Variants in DOCK9 observed in about 807,000 individuals in gnomAD.
DOCK9 encodes dedicator of cytokinesis 9, also known as dedicator of cytokinesis protein 9.
In DOCK9, 89 loss-of-function variants were observed where a neutral mutation model predicts 263.3. The ratio of observed to expected loss-of-function variants is 0.34; its 90% CI spans 0.28 to 0.40. The LOEUF is 0.40. Among genes scored for constraint, DOCK9 ranks in the 10% least tolerant of loss-of-function variants. The pLI is 1.00. For missense variants in DOCK9, 2,140 were observed against 2,603.4 expected (o/e 0.82, Z 3.87); for synonymous variants, 976 against 973.1 (o/e 1.00, Z -0.06).
chr13:99,035,027 AAC>A (rs1391764817), intron 1 of DOCK9, among the ~76,000 whole-genome samples: 14 of 152,234 alleles, frequency 9.2e-5, no homozygotes, highest in African/African-American at 3.4e-4. Context: ...AATGAAGTGG[AAC>A]AGTCTTAACA....
intron 1 of DOCK9, among the ~76,000 whole-genome samples, chr13:98,992,124 G>GAAA (rs529785682): frequency 7.0e-6 from 1 of 142,384 alleles, no homozygotes; most frequent in African/African-American, 2.6e-5. Flanking sequence ...CCAATACAGT[G>GAAA]AAAAAAAAAA....
intron 1 of DOCK9, among the ~76,000 whole-genome samples, chr13:99,071,539 A>G (rs1474993007): frequency 6.6e-6 from 1 of 151,708 alleles, no homozygotes; most frequent in Non-Finnish European, 1.5e-5. Context: ...GATCATCATA[A>G]AGGTCTTCAT....
chr13:98,917,496 A>G (rs2051075132), intron 7 of DOCK9, among the ~76,000 whole-genome samples: 1 of 152,202 alleles, frequency 6.6e-6, no homozygotes, highest in Non-Finnish European at 1.5e-5. Context: ...GATTGTTCAT[A>G]GTGGTGGCCT....
rs1594046374 is a variant in DOCK9, at chr13:98,794,421, T to C, written c.*205A>G. ...TAAGACACAATGAAAACTTTGAATA[T>C]TGCCAGTGAGATTTAAAAAAATATG... On this transcript the variant is annotated 3_prime_UTR_variant, in exon 53 of 53. Coordinates refer to ENST00000682017, the MANE Select transcript of DOCK9 (RefSeq NM_001366683.2). The C allele has an allele frequency of 1.7e-5, 10 of 582,596 alleles. No homozygotes were observed. The highest frequency in any genetic ancestry group is 4.5e-4 in the Middle Eastern group (1 of 2,232). The allele number at this position is 582,596 out of a possible 1,614,324, so 36.1% of individuals were successfully genotyped here. A position where few individuals can be genotyped will look rare whatever the true frequency, so the allele number is the denominator to read the frequency against.
chr13:99,045,153 C>T (rs7992201), intron 1 of DOCK9, among the ~76,000 whole-genome samples: 96,655 of 152,034 alleles, frequency 0.64, 31,222 homozygotes, highest in East Asian at 0.89. Context: ...ATCCTACTAC[C>T]GGGTACTTGC....
intron 1 of DOCK9, among the ~76,000 whole-genome samples, chr13:99,009,861 C>A (rs1424202317): frequency 6.6e-6 from 1 of 151,982 alleles, no homozygotes. Flanking sequence ...ACTGTTTAGT[C>A]CTTCGGGACT....
chr13:99,061,545 G>C (rs899135362), intron 1 of DOCK9, among the ~76,000 whole-genome samples: 1 of 152,154 alleles, frequency 6.6e-6, no homozygotes, highest in Non-Finnish European at 1.5e-5. Context: ...ATCAGGTCTA[G>C]ACCCATGGCA....
intron 33 of DOCK9, 98 bp from the exon 34 acceptor site, chr13:98,856,129 T>A: frequency 7.5e-7 from 1 of 1,326,212 alleles, no homozygotes. Context: ...TTGCACTTAT[T>A]TTTTCTGTTA....
chr13:98,997,148 G>A (rs970227019), intron 1 of DOCK9, among the ~76,000 whole-genome samples: 43 of 152,204 alleles, frequency 2.8e-4, no homozygotes, highest in Admixed American at 2.7e-3. Flanking sequence ...CACTCACAGC[G>A]CACTTACCCT....
intron 1 of DOCK9, among the ~76,000 whole-genome samples, chr13:99,008,206 C>CTA (rs1260500044): frequency 5.8e-4 from 41 of 70,880 alleles, no homozygotes; most frequent in East Asian, 4.0e-3. Context: ...CTCTCTCTCT[C>CTA]TCTCTCTATA....
intron 1 of DOCK9, among the ~76,000 whole-genome samples, chr13:98,993,334 T>C (rs1401183469): frequency 6.6e-6 from 1 of 152,224 alleles, no homozygotes; most frequent in Non-Finnish European, 1.5e-5. Flanking sequence ...TGTTATCTCA[T>C]TATGTGACAT....
chr13:98,808,001 T>C (rs181731399), intron 47 of DOCK9, among the ~76,000 whole-genome samples, 194 bp from the exon 48 acceptor site: 61 of 152,334 alleles, frequency 4.0e-4, no homozygotes, highest in Non-Finnish European at 7.2e-4. Context: ...AACACAACAT[T>C]GCAAACTTAT....
chr13:98,984,330 T>C (rs1877943363), intron 1 of DOCK9, among the ~76,000 whole-genome samples: 1 of 152,232 alleles, frequency 6.6e-6, no homozygotes, highest in Non-Finnish European at 1.5e-5. Flanking sequence ...AGTGTCAACA[T>C]GTGCACAGTC....
chr13:98,918,056 T>C (rs1489933139), intron 7 of DOCK9, among the ~76,000 whole-genome samples: 1 of 152,176 alleles, frequency 6.6e-6, no homozygotes, highest in Non-Finnish European at 1.5e-5. Flanking sequence ...AGAAACAGGA[T>C]CTGGACTTAG....
intron 2 of DOCK9, among the ~76,000 whole-genome samples, chr13:98,948,924 C>A (rs899478900): frequency 1.3e-5 from 2 of 152,136 alleles, no homozygotes; most frequent in African/African-American, 4.8e-5. Flanking sequence ...TTTTTGTAAA[C>A]ACCACATTTT....
At chr13:98,915,547 G>C in intron 7 of DOCK9, 44 bp from the exon 8 acceptor site, 1 of 1,539,908 alleles carries the variant, frequency 6.5e-7, no homozygotes, top group Non-Finnish European at 8.8e-7. Flanking sequence ...AAAAGAATTA[G>C]AACTGCTTTA....
chr13:99,053,269 G>A (rs891383264), intron 1 of DOCK9, among the ~76,000 whole-genome samples: 1 of 152,146 alleles, frequency 6.6e-6, no homozygotes, highest in African/African-American at 2.4e-5. Context: ...AATTTCCTAA[G>A]CCTATACAAA....
intron 1 of DOCK9, among the ~76,000 whole-genome samples, chr13:99,009,634 C>A (rs911805288): frequency 2.6e-5 from 4 of 151,926 alleles, no homozygotes; most frequent in African/African-American, 9.7e-5. Flanking sequence ...ACTGATTATT[C>A]ACTTACCTCT....
At position 98,793,472 on chromosome 13, in the gene DOCK9, C is replaced by T. The variant is rs755132816; in HGVS notation, c.*1154G>A. The T allele has an allele frequency of 5.2e-5, 8 of 152,440 alleles. No individual in the cohort carries two copies. Among genetic ancestry groups the T allele is most frequent in the Non-Finnish European group, 2.9e-5 (2 of 68,026 alleles). 9.4% of individuals were successfully genotyped at this position (152,440 alleles called of 1,614,324 possible). A position where few individuals can be genotyped will look rare whatever the true frequency, so the allele number is the denominator to read the frequency against. On this transcript the variant is annotated 3_prime_UTR_variant, in exon 53 of 53. Coordinates refer to ENST00000682017, the MANE Select transcript of DOCK9 (RefSeq NM_001366683.2). ...CTTAGGACTGCTGAACAATAAACAC[C>T]CAGCAGCCACCCCAAATGGTCAGCA... is the stretch of plus-strand genomic sequence containing the variant.
Sources: allele counts gnomAD v4.1 joint callset (sites outside exome capture counted in the v4.1 genomes callset), GRCh38; gene constraint gnomAD v4.1.1; transcripts MANE v1.5; gene names NCBI Gene and HGNC (gene_info 2026-07-23, HGNC 2026-07-21).